The following KATNIP variants were observed in gnomAD, a reference collection of about 807,000 sequenced individuals.
The protein encoded by KATNIP is katanin-interacting protein.
Under a neutral mutation model 174.0 loss-of-function variants are expected in KATNIP, and 126 were observed. That is an observed-to-expected ratio of 0.72 (90% confidence interval 0.63 to 0.84). The LOEUF (loss-of-function observed/expected upper bound fraction) is 0.84, where lower values mean the gene tolerates loss of function less well. KATNIP is among the 40% of genes least tolerant of loss of function. KATNIP has a pLI of 0.00. For synonymous variants in KATNIP, 810 were observed against 835.7 expected (o/e 0.97, Z 0.53); for missense variants, 1,958 against 2,109.7 (o/e 0.93, Z 1.41).
At chr16:27,682,556 G>C (rs116002194) in intron 8 of KATNIP, among the ~76,000 whole-genome samples, 1,620 of 152,270 alleles carry the variant, frequency 0.011, 42 homozygotes, top group African/African-American at 0.037. Flanking sequence ...ATGTTACCAG[G>C]GGATGGATCC....
intron 5 of KATNIP, 33 bp from the exon 6 acceptor site, chr16:27,648,571 A>G (rs766524756): frequency 1.6e-5 from 26 of 1,613,090 alleles, no homozygotes; most frequent in Non-Finnish European, 1.7e-5. Flanking sequence ...ACCTCATTCC[A>G]CCTTATCTGA....
chr16:27,778,865 C>T lies in KATNIP; in HGVS notation c.*236C>T, dbSNP rs956000635. 2 of 466,882 alleles carry T rather than the reference C, an allele frequency of 4.3e-6. No homozygotes were observed. The highest frequency in any genetic ancestry group is 4.0e-5 in the African/African-American group (2 of 49,858). 28.9% of individuals were successfully genotyped at this position (466,882 alleles called of 1,614,324 possible). ...CAGTTCTGGGTTGGCCACAGGGAGCCCAGGACACCCGCCTTCATGCCTCTG... is the reference window on the plus strand; with the variant it reads ...CAGTTCTGGGTTGGCCACAGGGAGCTCAGGACACCCGCCTTCATGCCTCTG... On this transcript the variant is annotated 3_prime_UTR_variant, in exon 28 of 28. Coordinates refer to ENST00000261588, the MANE Select transcript of KATNIP (RefSeq NM_015202.5).
At chr16:27,584,646 C>G (rs916192111) in intron 2 of KATNIP, among the ~76,000 whole-genome samples, 3 of 152,046 alleles carry the variant, frequency 2.0e-5, no homozygotes, top group Non-Finnish European at 4.4e-5. Context: ...CAAAAACTAG[C>G]TGTGTGTGTT....
chr16:27,718,486 G>C (rs1397589096), intron 13 of KATNIP: 1 of 152,236 alleles, frequency 6.6e-6, no homozygotes, highest in Admixed American at 6.5e-5. Flanking sequence ...TCAGAAGGCT[G>C]GGTTGCTAAT....
At chr16:27,612,793 C>T (rs1410329299) in intron 2 of KATNIP, among the ~76,000 whole-genome samples, 1 of 151,882 alleles carries the variant, frequency 6.6e-6, no homozygotes, top group Non-Finnish European at 1.5e-5. Context: ...GACTTGGGCA[C>T]TTGCCAGTCC....
chr16:27,583,233 T>A (rs2090763982), intron 2 of KATNIP, among the ~76,000 whole-genome samples: 1 of 152,200 alleles, frequency 6.6e-6, no homozygotes, highest in East Asian at 1.9e-4. Context: ...ATCAGAGAGC[T>A]GCAATTTGTG....
At chr16:27,663,228 G>A (rs542848483) in intron 6 of KATNIP, among the ~76,000 whole-genome samples, 117 of 136,516 alleles carry the variant, frequency 8.6e-4, no homozygotes, top group Middle Eastern at 4.3e-3. Context: ...AAACTCCTAG[G>A]TTCAAGTAAT....
intron 8 of KATNIP, among the ~76,000 whole-genome samples, chr16:27,690,363 T>TGATA (rs200443119): frequency 0.016 from 1,493 of 90,850 alleles, 14 homozygotes; most frequent in Admixed American, 0.029. Flanking sequence ...GATAGATAGA[T>TGATA]GATAGATAGA....
chr16:27,700,629 G>A (rs555906125), intron 10 of KATNIP, among the ~76,000 whole-genome samples: 2 of 152,316 alleles, frequency 1.3e-5, no homozygotes, highest in African/African-American at 2.4e-5. Flanking sequence ...CTGCCTGTTC[G>A]GAAGGCACCA....
At position 27,551,652 on chromosome 16, in the gene KATNIP, A is replaced by G. The variant is rs563192429; in HGVS notation, c.7+1475A>G. Among the ~76,000 whole-genome samples the G allele has an allele frequency of 7.9e-5, 12 of 152,346 alleles. No homozygotes were observed. The East Asian group carries it at 2.3e-3, about 29-fold the overall frequency. ...GTAATCCTAGCACTCTGGAAGGCCA[A>G]GGCAGGTGGATCACTTGAGGTCAGG... On this transcript the variant is annotated intron_variant, in intron 1 of 27. Transcript: ENST00000261588.
At chr16:27,621,788 G>A (rs189361831) in intron 3 of KATNIP, among the ~76,000 whole-genome samples, 1 of 151,680 alleles carries the variant, frequency 6.6e-6, no homozygotes, top group Admixed American at 6.6e-5. Context: ...AGAGGGTGGG[G>A]GGGAGGTGCC....
chr16:27,679,717 A>G (rs1307177310), intron 7 of KATNIP, among the ~76,000 whole-genome samples: 1 of 150,462 alleles, frequency 6.6e-6, no homozygotes, highest in Non-Finnish European at 1.5e-5. Flanking sequence ...GTGCCACTGC[A>G]CTGCAGCCTG....
intron 21 of KATNIP, 105 bp downstream of exon 21, chr16:27,770,123 C>A: frequency 7.9e-7 from 1 of 1,271,486 alleles, no homozygotes; most frequent in South Asian, 1.3e-5. Flanking sequence ...AAACGATGAT[C>A]AAACGCATTG....
At chr16:27,598,364 C>T (rs1435003750) in intron 2 of KATNIP, among the ~76,000 whole-genome samples, 1 of 152,206 alleles carries the variant, frequency 6.6e-6, no homozygotes. Flanking sequence ...AACCGTCTCT[C>T]TCCTGTCTGC....
chr16:27,701,660 C>G lies in KATNIP; in HGVS notation c.1251C>G (p.Asn417Lys). The G allele has an allele frequency of 1.9e-6, 3 of 1,607,614 alleles. No individual in the cohort carries two copies. Among genetic ancestry groups the G allele is most frequent in the African/African-American group, 1.3e-5 (1 of 74,984 alleles). ...CAGCAGGAGGAGCCAGGGCCATCAACCAGGCCATGGACAGAATTGGGCTTC... is the reference window on the plus strand; with the variant it reads ...CAGCAGGAGGAGCCAGGGCCATCAAGCAGGCCATGGACAGAATTGGGCTTC... ...AGAAGGARAINQAMDRIGLLG... is the reference protein window; with the variant it reads ...AGAAGGARAIKQAMDRIGLLG... The change falls in exon 11 of 28, where the codon AAC becomes AAG. Residue 417 changes from asparagine to lysine, a missense_variant. Physicochemically the swap from Asn to Lys is moderately conservative, Grantham distance 94. Transcript: ENST00000261588.
intron 11 of KATNIP, 44 bp downstream of exon 11, chr16:27,701,739 C>T: frequency 7.6e-7 from 1 of 1,317,966 alleles, no homozygotes; most frequent in Non-Finnish European, 1.1e-6. Flanking sequence ...CTTAGCAGTG[C>T]AGCCATGGGG....
chr16:27,754,148 C>A (rs753270715), intron 17 of KATNIP, 25 bp from the exon 18 acceptor site: 1 of 1,607,354 alleles, frequency 6.2e-7, no homozygotes, highest in South Asian at 1.1e-5. Flanking sequence ...CCCCCTTTTC[C>A]TCTGCTTCTC....
At position 27,691,938 on chromosome 16, in the gene KATNIP, G is replaced by T. The variant is rs552995429; in HGVS notation, c.941-6390G>T. ...CAGCCAAGGACAGATCATCCCGCCTGCTCACAGGTCATGAGACGAGCTTCC... is the reference window on the plus strand; with the variant it reads ...CAGCCAAGGACAGATCATCCCGCCTTCTCACAGGTCATGAGACGAGCTTCC... On this transcript the variant is annotated intron_variant, in intron 8 of 27. Coordinates refer to ENST00000261588, the MANE Select transcript of KATNIP (RefSeq NM_015202.5). 1.7e-4 allele frequency among the ~76,000 whole-genome samples: 26 copies of T among 152,320 alleles called. 1 individual carries two copies. The South Asian group carries it at 5.0e-3, about 29-fold the overall frequency.
chr16:27,750,480 C>T (rs1374942157), intron 16 of KATNIP, among the ~76,000 whole-genome samples, 174 bp downstream of exon 16: 3 of 147,846 alleles, frequency 2.0e-5, no homozygotes, highest in Non-Finnish European at 4.5e-5. Flanking sequence ...AGTGCAGTGG[C>T]GCGATCTTGG....
Sources: gnomAD v4.1 joint callset for allele counts (sites outside exome capture counted in the v4.1 genomes callset) on GRCh38, gnomAD v4.1.1 for gene constraint, MANE v1.5 for transcripts, NCBI Gene and HGNC (gene_info 2026-07-23, HGNC 2026-07-21) for gene names.